The following AP1S1 variants were observed in gnomAD, a reference collection of about 807,000 sequenced individuals.
The protein encoded by AP1S1 is adaptor related protein complex 1 subunit sigma 1, also known as AP-1 complex subunit sigma-1A.
In AP1S1, 13 loss-of-function variants were observed where a neutral mutation model predicts 23.9. The observed-to-expected ratio is 0.54, with a 90% CI of 0.35 to 0.86. The LOEUF (loss-of-function observed/expected upper bound fraction) is 0.86, where lower values mean the gene tolerates loss of function less well. AP1S1 is among the 40% of genes least tolerant of loss of function. The pLI, the probability that AP1S1 is intolerant of heterozygous loss-of-function variation, is 0.01. For missense variants in AP1S1, 119 were observed against 197.6 expected (o/e 0.60, Z 2.38); for synonymous variants, 84 against 77.7 (o/e 1.08, Z -0.43).
intron 4 of AP1S1, chr7:101,159,448 A>T: frequency 6.0e-6 from 3 of 501,380 alleles, no homozygotes; most frequent in Middle Eastern, 5.2e-4. Context: ...AAGCCCCCAG[A>T]TGTCTCGTGG....
chr7:101,156,532 A>T, intron 1 of AP1S1, 62 bp from the exon 2 acceptor site: 1 of 1,527,016 alleles, frequency 6.5e-7, no homozygotes, highest in Non-Finnish European at 8.9e-7. Flanking sequence ...GAGAAGAATT[A>T]GCTGGAGATA....
intron 4 of AP1S1, among the ~76,000 whole-genome samples, chr7:101,160,188 C>T (rs1158262136): frequency 6.6e-6 from 1 of 151,928 alleles, no homozygotes. Flanking sequence ...AAAGATCCCC[C>T]ACCTCCTTGT....
intron 1 of AP1S1, 87 bp downstream of exon 1, chr7:101,154,604 A>C (rs1796960611): frequency 6.7e-7 from 1 of 1,489,594 alleles, no homozygotes; most frequent in Non-Finnish European, 9.0e-7. Flanking sequence ...CTCGGGGTGA[A>C]CCGCCCTGTC....
In AP1S1 at chr7:101,160,777, G is replaced by C. The variant is rs112015844; in HGVS notation, c.*211G>C. 7.3e-3 allele frequency: 5,308 copies of C among 722,862 alleles called. 180 individuals are homozygous for C. The African/African-American group carries it at 0.082, about 11-fold the overall frequency. The allele number at this position is 722,862 out of a possible 1,614,324, so 44.8% of individuals were successfully genotyped here. On this transcript the variant is annotated 3_prime_UTR_variant, in exon 5 of 5. Transcript: ENST00000337619. ...TCCCCTTTTCCCACTGAAGGTTTTA[G>C]AAGCTAGGAGGCAGGAAAATGTGAC... is the stretch of plus-strand genomic sequence containing the variant.
Position 101,160,009 on chromosome 7 carries a change from T to C in AP1S1, c.430-510T>C, listed in dbSNP as rs866474878. On this transcript the variant is annotated intron_variant, in intron 4 of 4. Coordinates refer to ENST00000337619, the MANE Select transcript of AP1S1 (RefSeq NM_001283.5). ...GCGCACACACACACACACACACACATGCCCTGGCACACACACCCATCGTGT... is the reference window on the plus strand; with the variant it reads ...GCGCACACACACACACACACACACACGCCCTGGCACACACACCCATCGTGT... Among the ~76,000 whole-genome samples the C allele has an allele frequency of 2.9e-3, 396 of 138,046 alleles. 1 individual carries two copies. The highest frequency in any genetic ancestry group is 9.9e-3 in the African/African-American group (359 of 36,272). 90.6% of individuals were successfully genotyped at this position (138,046 alleles called of 152,430 possible). A position where few individuals can be genotyped will look rare whatever the true frequency, so the allele number is the denominator to read the frequency against.
intron 1 of AP1S1, 118 bp downstream of exon 1, chr7:101,154,635 C>G: frequency 7.5e-7 from 1 of 1,335,030 alleles, no homozygotes; most frequent in Non-Finnish European, 9.9e-7. Flanking sequence ...TCCTCAGAGG[C>G]CTCCCTTGCC....
intron 4 of AP1S1, 119 bp from the exon 5 acceptor site, chr7:101,160,400 C>T: frequency 8.0e-7 from 1 of 1,248,006 alleles, no homozygotes; most frequent in Non-Finnish European, 1.1e-6. Flanking sequence ...ATTGGCTTCT[C>T]TCCCCCTCCC....
At chr7:101,157,139 G>A (rs1232531814) in intron 2 of AP1S1, among the ~76,000 whole-genome samples, 2 of 152,118 alleles carry the variant, frequency 1.3e-5, no homozygotes, top group Non-Finnish European at 2.9e-5. Flanking sequence ...ACTTGGCTCA[G>A]GTTTTTGCTG....
At chr7:101,160,414 T>G in intron 4 of AP1S1, 105 bp from the exon 5 acceptor site, 177 of 1,301,124 alleles carry the variant, frequency 1.4e-4, no homozygotes, top group Non-Finnish European at 1.6e-4. Context: ...CCCTCCCCCG[T>G]GTCTGTGCCT....
chr7:101,155,571 A>T (rs1796979909), intron 1 of AP1S1, among the ~76,000 whole-genome samples: 1 of 152,184 alleles, frequency 6.6e-6, no homozygotes, highest in Non-Finnish European at 1.5e-5. Context: ...GTTAAAGAGA[A>T]ATGTCGAAGA....
chr7:101,159,305 C>T (rs902164752), intron 4 of AP1S1, 109 bp downstream of exon 4: 3 of 1,477,808 alleles, frequency 2.0e-6, no homozygotes, highest in South Asian at 1.3e-5. Flanking sequence ...AGGAGCCCCC[C>T]CTCCCTGTGG....
chr7:101,156,160 A>G (rs1796988040), intron 1 of AP1S1, among the ~76,000 whole-genome samples: 1 of 152,176 alleles, frequency 6.6e-6, no homozygotes, highest in African/African-American at 2.4e-5. Flanking sequence ...GGAACTTGGG[A>G]GGCGGAGATT....
chr7:101,159,315 G>T, intron 4 of AP1S1, 119 bp downstream of exon 4: 2 of 1,418,616 alleles, frequency 1.4e-6, no homozygotes, highest in Non-Finnish European at 1.9e-6. Flanking sequence ...CCTCCCTGTG[G>T]TATCTGACCC....
chr7:101,157,520 G>A (rs1447685611), intron 3 of AP1S1, 35 bp downstream of exon 3: 2 of 1,498,470 alleles, frequency 1.3e-6, no homozygotes, highest in Non-Finnish European at 1.8e-6. Flanking sequence ...TCCATTCCCA[G>A]CAATCCCCTT....
Position 101,159,077 on chromosome 7 carries a change from A to G in AP1S1, c.310A>G (p.Ile104Val). Reference protein sequence around the residue: ...YFGSVCELDIIFNFEKAYFIL... With the variant: ...YFGSVCELDIVFNFEKAYFIL... ...CTCCCAGGTGTGCGAGCTGGACATC[A>G]TCTTCAACTTTGAGAAGGCCTACTT... The change falls in exon 4 of 5, where the codon ATC becomes GTC. Residue 104 changes from isoleucine (I) to valine (V), a missense_variant. Ile to Val is a conservative substitution (Grantham distance 29, BLOSUM62 3). Coordinates refer to ENST00000337619, the MANE Select transcript of AP1S1 (RefSeq NM_001283.5). 1 of 1,613,434 alleles carries G rather than the reference A, an allele frequency of 6.2e-7. No individual in the cohort carries two copies. Among genetic ancestry groups the G allele is most frequent in the South Asian group, 1.1e-5 (1 of 90,968 alleles).
At position 101,159,172 on chromosome 7, in the gene AP1S1, C is replaced by A. The variant is rs753086282; in HGVS notation, c.405C>A (p.Ile135=). 6.2e-7 allele frequency: 1 copy of A among 1,613,000 alleles called. No homozygotes were observed. The highest frequency in any genetic ancestry group is 8.5e-7 in the Non-Finnish European group (1 of 1,179,524). The stretch of plus-strand genomic sequence containing the variant: ...CCAAGAAGAGTGTGCTGAAAGCCAT[C>A]GAGCAGGCTGACCTACTGCAAGAGG... ...DTSKKSVLKA[I]EQADLLQEED... The change falls in exon 4 of 5, where the codon ATC becomes ATA. Residue 135 remains isoleucine, a synonymous_variant. Transcript: ENST00000337619.
chr7:101,160,582 G>A lies in AP1S1; in HGVS notation c.*16G>A, dbSNP rs1797081503. ...TTTGGCATAGCCCCTGCTGGGCCGG[G>A]GTGTGGCGATGGGGTCCTGGCAGCG... is the stretch of plus-strand genomic sequence containing the variant. On this transcript the variant is annotated 3_prime_UTR_variant, in exon 5 of 5. Transcript: ENST00000337619. 3.7e-6 allele frequency: 6 copies of A among 1,610,350 alleles called. No homozygotes were observed. Among genetic ancestry groups the A allele is most frequent in the Non-Finnish European group, 5.1e-6 (6 of 1,179,762 alleles).
intron 1 of AP1S1, among the ~76,000 whole-genome samples, chr7:101,155,738 A>G (rs1796982351): frequency 6.6e-6 from 1 of 152,150 alleles, no homozygotes; most frequent in Non-Finnish European, 1.5e-5. Context: ...TCTTATGGCT[A>G]TGATGGGGTG....
Position 101,156,483 on chromosome 7 carries a change from C to T in AP1S1, c.4-111C>T. The T allele has an allele frequency of 3.8e-6, 5 of 1,310,614 alleles. No homozygotes were observed. In the South Asian group the frequency reaches 7.4e-5, roughly 19 times the overall value. 81.2% of individuals were successfully genotyped at this position (1,310,614 alleles called of 1,614,324 possible). A position where few individuals can be genotyped will look rare whatever the true frequency, so the allele number is the denominator to read the frequency against. ...ACTTCCCCCTGCTGGTGGAAACACC[C>T]AGCCTTGAGAGCAAGGGGCTGGATG... On this transcript the variant is annotated intron_variant, in intron 1 of 4. Transcript: ENST00000337619.
Sources: gnomAD v4.1 joint callset for allele counts (sites outside exome capture counted in the v4.1 genomes callset) on GRCh38, gnomAD v4.1.1 for gene constraint, MANE v1.5 for transcripts, NCBI Gene and HGNC (gene_info 2026-07-23, HGNC 2026-07-21) for gene names.